The following CDC42BPA variants were observed in gnomAD, a reference collection of about 807,000 sequenced individuals.
CDC42BPA encodes CDC42 binding protein kinase alpha.
In CDC42BPA, 80 loss-of-function variants were observed where a neutral mutation model predicts 223.5. The ratio of observed to expected loss-of-function variants is 0.36; its 90% confidence interval spans 0.30 to 0.43. The LOEUF is 0.43. CDC42BPA is among the 20% of genes least tolerant of loss of function. The pLI is 1.00. For synonymous variants in CDC42BPA, 694 were observed against 718.6 expected (o/e 0.97, Z 0.55); for missense variants, 1,743 against 2,099.9 (o/e 0.83, Z 3.32).
intron 2 of CDC42BPA, among the ~76,000 whole-genome samples, chr1:227,227,763 G>T (rs372349941): frequency 2.6e-5 from 4 of 151,930 alleles, no homozygotes; most frequent in African/African-American, 9.7e-5. Context: ...AATCTAACAC[G>T]GGACCATATA....
chr1:227,224,769 T>G (rs1676553813), intron 2 of CDC42BPA, among the ~76,000 whole-genome samples: 1 of 152,256 alleles, frequency 6.6e-6, no homozygotes, highest in African/African-American at 2.4e-5. Flanking sequence ...CTATGTCTTT[T>G]CAACTGGCAA....
intron 27 of CDC42BPA, among the ~76,000 whole-genome samples, chr1:227,032,565 C>T (rs1338305295): frequency 6.6e-6 from 1 of 152,138 alleles, no homozygotes; most frequent in East Asian, 1.9e-4. Context: ...GAGGTGGAGT[C>T]TATTTCCCCT....
chr1:227,218,395 T>C (rs1675252726), intron 2 of CDC42BPA, among the ~76,000 whole-genome samples: 1 of 152,230 alleles, frequency 6.6e-6, no homozygotes, highest in African/African-American at 2.4e-5. Context: ...CTATCATTTA[T>C]GATTAATAAT....
intron 2 of CDC42BPA, among the ~76,000 whole-genome samples, chr1:227,247,952 GAC>G (rs1041350670): frequency 7.2e-5 from 11 of 152,008 alleles, no homozygotes; most frequent in African/African-American, 2.7e-4. Context: ...AAACTCAACT[GAC>G]ATGTTAAAGA....
chr1:227,298,453 G>A (rs1691089862), intron 1 of CDC42BPA, among the ~76,000 whole-genome samples: 1 of 151,812 alleles, frequency 6.6e-6, no homozygotes, highest in African/African-American at 2.4e-5. Context: ...TTAGTATGTT[G>A]GTGCTATAAC....
At chr1:227,035,200 C>T (rs1669994719) in intron 25 of CDC42BPA, among the ~76,000 whole-genome samples, 2 of 152,280 alleles carry the variant, frequency 1.3e-5, no homozygotes, top group Admixed American at 1.3e-4. Flanking sequence ...TGCCACCTCT[C>T]TTGCAAGAGC....
intron 21 of CDC42BPA, among the ~76,000 whole-genome samples, chr1:227,060,354 G>C (rs987278648): frequency 3.9e-5 from 6 of 152,142 alleles, no homozygotes; most frequent in Admixed American, 1.3e-4. Context: ...TATCTACTTC[G>C]GCAATTTCTA....
chr1:227,282,941 GTACT>G (rs563290545), intron 1 of CDC42BPA, among the ~76,000 whole-genome samples: 2 of 152,282 alleles, frequency 1.3e-5, no homozygotes, highest in South Asian at 4.2e-4. Flanking sequence ...CAATGTGTAT[GTACT>G]TGATGTCACT....
chr1:227,128,140 C>T, intron 11 of CDC42BPA, among the ~76,000 whole-genome samples: 1 of 152,164 alleles, frequency 6.6e-6, no homozygotes, highest in East Asian at 1.9e-4. Context: ...GCTCATTCTG[C>T]TCTAGCCATC....
At chr1:227,026,993 A>G (rs966616099) in intron 30 of CDC42BPA, among the ~76,000 whole-genome samples, 9 of 152,102 alleles carry the variant, frequency 5.9e-5, no homozygotes, top group Non-Finnish European at 1.3e-4. Flanking sequence ...GGTTCTCGCT[A>G]TGTTGCCCAA....
intron 35 of CDC42BPA, among the ~76,000 whole-genome samples, chr1:227,002,384 T>C (rs1390015759): frequency 6.6e-6 from 1 of 152,262 alleles, no homozygotes; most frequent in African/African-American, 2.4e-5. Context: ...CAGGGCTACA[T>C]ACTGGGTACA....
At chr1:227,024,748 A>G (rs1242697105) in intron 31 of CDC42BPA, among the ~76,000 whole-genome samples, 1 of 152,244 alleles carries the variant, frequency 6.6e-6, no homozygotes, top group Non-Finnish European at 1.5e-5. Context: ...TATATTATTT[A>G]GGGATACTTA....
chr1:227,058,312 C>A (rs191013849), intron 21 of CDC42BPA, among the ~76,000 whole-genome samples: 11 of 152,074 alleles, frequency 7.2e-5, no homozygotes, highest in Non-Finnish European at 1.3e-4. Context: ...TTACAACCAA[C>A]CCTCCAACAT....
At chr1:227,274,597 A>G (rs951014396) in intron 1 of CDC42BPA, among the ~76,000 whole-genome samples, 6 of 152,194 alleles carry the variant, frequency 3.9e-5, no homozygotes, top group African/African-American at 1.4e-4. Flanking sequence ...ATTTATAATA[A>G]ATCTAAATGG....
chr1:227,066,081 C>G (rs887499108), intron 21 of CDC42BPA, among the ~76,000 whole-genome samples: 3 of 152,124 alleles, frequency 2.0e-5, no homozygotes, highest in African/African-American at 7.2e-5. Flanking sequence ...CAACAGAGAC[C>G]TGATTTGCTC....
chr1:227,074,086 T>C, intron 18 of CDC42BPA, 74 bp from the exon 19 acceptor site: 1 of 1,521,164 alleles, frequency 6.6e-7, no homozygotes, highest in East Asian at 2.3e-5. Flanking sequence ...ACCAGCTGTG[T>C]GTTATGTTTT....
At chr1:227,164,896 T>C (rs1258270812) in intron 5 of CDC42BPA, among the ~76,000 whole-genome samples, 1 of 152,196 alleles carries the variant, frequency 6.6e-6, no homozygotes, top group Non-Finnish European at 1.5e-5. Flanking sequence ...AATAATCTTA[T>C]GTTATATATT....
chr1:227,181,118 C>T (rs116274842), intron 5 of CDC42BPA, among the ~76,000 whole-genome samples: 8,199 of 152,206 alleles, frequency 0.054, 247 homozygotes, highest in Non-Finnish European at 0.073. Flanking sequence ...AAATCAAAAA[C>T]AGTAATGCTA....
At chr1:227,204,757 C>T (rs1418374666) in intron 3 of CDC42BPA, among the ~76,000 whole-genome samples, 1 of 151,950 alleles carries the variant, frequency 6.6e-6, no homozygotes, top group African/African-American at 2.4e-5. Context: ...TTTCTCTTGG[C>T]CAAACACATG....
Sources: gnomAD v4.1 joint callset for allele counts (sites outside exome capture counted in the v4.1 genomes callset) on GRCh38, gnomAD v4.1.1 for gene constraint, MANE v1.5 for transcripts, NCBI Gene and HGNC (gene_info 2026-07-23, HGNC 2026-07-21) for gene names.